ABHD12: variants seen among roughly 807,000 people sequenced by gnomAD.
ABHD12 encodes abhydrolase domain containing 12, lysophospholipase, also known as lysophosphatidylserine lipase ABHD12.
Under a neutral mutation model 58.3 loss-of-function variants are expected in ABHD12, and 43 were observed. The observed-to-expected ratio is 0.74, with a 90% CI of 0.58 to 0.95. The LOEUF is 0.95. ABHD12 is among the 40% of genes least tolerant of loss of function. The pLI is 0.00. For synonymous variants in ABHD12, 219 were observed against 211.2 expected, an observed-to-expected ratio of 1.04 and a Z score of -0.32; for missense variants, 539 against 537.2, an observed-to-expected ratio of 1.00 and a Z score of -0.03.
intron 1 of ABHD12, among the ~76,000 whole-genome samples, chr20:25,384,232 C>T (rs922772986): frequency 2.0e-5 from 3 of 151,428 alleles, no homozygotes; most frequent in Non-Finnish European, 4.4e-5. Context: ...TCTAGTTCCT[C>T]GTCTCAAGGA....
downstream of ABHD12, among the ~76,000 whole-genome samples, chr20:25,298,199 G>T (rs147164813): frequency 1.2e-4 from 18 of 152,324 alleles, no homozygotes; most frequent in East Asian, 1.5e-3. Context: ...TTCTGGGATT[G>T]AGGGCAGAAA....
chr20:25,361,329 A>G lies in ABHD12; in HGVS notation c.192-21978T>C, dbSNP rs118077221. ...ATGTTCTCATCTAAAAACAAACTGTATCTTTCCACTTAAATATTATGTCTC... is the reference window on the plus strand; with the variant it reads ...ATGTTCTCATCTAAAAACAAACTGTGTCTTTCCACTTAAATATTATGTCTC... On this transcript the variant is annotated intron_variant, in intron 1 of 12. Transcript: ENST00000339157. 2.6e-5 allele frequency among the ~76,000 whole-genome samples: 4 copies of G among 152,322 alleles called. No homozygotes were observed. In the East Asian group the frequency reaches 7.7e-4, roughly 29 times the overall value.
chr20:25,386,370 T>C (rs1468849993), intron 1 of ABHD12, among the ~76,000 whole-genome samples: 1 of 150,226 alleles, frequency 6.7e-6, no homozygotes, highest in South Asian at 2.1e-4. Context: ...GCCATTCTCC[T>C]ACCTCAGCCT....
At chr20:25,319,355 A>G (rs1169529966) in intron 4 of ABHD12, among the ~76,000 whole-genome samples, 1 of 152,202 alleles carries the variant, frequency 6.6e-6, no homozygotes, top group East Asian at 1.9e-4. Context: ...CTGAGATAAA[A>G]CTGGGCAGGG....
At chr20:25,359,638 C>T (rs1282253903) in intron 1 of ABHD12, among the ~76,000 whole-genome samples, 2 of 151,822 alleles carry the variant, frequency 1.3e-5, no homozygotes, top group African/African-American at 2.4e-5. Context: ...GGTGCGATCT[C>T]GGCTCACTGC....
chr20:25,306,868 A>G lies in ABHD12; in HGVS notation c.915T>C (p.Ile305=). 1 of 1,612,884 alleles carries G rather than the reference A, an allele frequency of 6.2e-7. No individual in the cohort carries two copies. Among genetic ancestry groups the G allele is most frequent in the East Asian group, 2.2e-5 (1 of 44,888 alleles). ...TTGCAAATTTAATTCCACTACTTGT[A>G]ATAGGATCAAGGAAGAACCAGTCAA... ...PGFDWFFLDP[I]TSSGIKFAND... is the part of the protein sequence containing the mutation. The change falls in exon 10 of 13, where the codon ATT becomes ATC. Residue 305 remains isoleucine (I), a synonymous_variant. Coordinates refer to ENST00000339157, the MANE Select transcript of ABHD12 (RefSeq NM_001042472.3).
intron 1 of ABHD12, among the ~76,000 whole-genome samples, chr20:25,363,434 G>A (rs879647022): frequency 6.6e-6 from 1 of 151,410 alleles, no homozygotes; most frequent in African/African-American, 2.4e-5. Context: ...GGCCAGGATG[G>A]TGTGCATCTC....
chr20:25,300,330 G>C lies in ABHD12; in HGVS notation c.*515C>G. On this transcript the variant is annotated 3_prime_UTR_variant, in exon 13 of 13. Coordinates refer to ENST00000339157, the MANE Select transcript of ABHD12 (RefSeq NM_001042472.3). The stretch of plus-strand genomic sequence containing the variant: ...GGGCACTTCCACTGTGGGTGAGTGG[G>C]CCAGCCCAGGGGAGGTGGGGCAGCT... 1 of 1,038,772 alleles carries C rather than the reference G, an allele frequency of 9.6e-7. No individual in the cohort carries two copies. The highest frequency in any genetic ancestry group is 1.7e-5 in the African/African-American group (1 of 59,608). 64.3% of individuals were successfully genotyped at this position (1,038,772 alleles called of 1,614,324 possible). A position where few individuals can be genotyped will look rare whatever the true frequency, so the allele number is the denominator to read the frequency against.
intron 4 of ABHD12, 115 bp downstream of exon 4, chr20:25,320,084 A>G: frequency 6.7e-7 from 1 of 1,491,570 alleles, no homozygotes; most frequent in Non-Finnish European, 9.1e-7. Flanking sequence ...CAGTACACCC[A>G]ATTTTGTGGG....
intron 10 of ABHD12, among the ~76,000 whole-genome samples, chr20:25,306,455 G>A (rs925235498): frequency 1.3e-5 from 2 of 152,148 alleles, no homozygotes; most frequent in African/African-American, 4.8e-5. Flanking sequence ...ACGGTTCACT[G>A]CAGTCTTGAC....
intron 1 of ABHD12, among the ~76,000 whole-genome samples, chr20:25,369,182 T>C: frequency 6.6e-6 from 1 of 152,178 alleles, no homozygotes; most frequent in East Asian, 1.9e-4. Flanking sequence ...GTGGTTTTGA[T>C]TTCCATTTCC....
rs1017185136 is a variant in ABHD12 at position 25,300,421 on chromosome 20, G to T, written c.*424C>A. The stretch of plus-strand genomic sequence containing the variant: ...GAACCACTGGAGTCATTCTGCATGT[G>T]CTGGGAAGGTGCAGAAAGAACCTGG... On this transcript the variant is annotated 3_prime_UTR_variant, in exon 13 of 13. Transcript: ENST00000339157. The T allele has an allele frequency of 6.0e-6, 7 of 1,157,104 alleles. No homozygotes were observed. Among genetic ancestry groups the T allele is most frequent in the Non-Finnish European group, 7.6e-6 (7 of 927,074 alleles). The allele number at this position is 1,157,104 out of a possible 1,614,324, so 71.7% of individuals were successfully genotyped here.
intron 6 of ABHD12, among the ~76,000 whole-genome samples, chr20:25,313,891 T>C (rs1030994626): frequency 3.3e-5 from 5 of 152,222 alleles, no homozygotes; most frequent in African/African-American, 7.2e-5. Flanking sequence ...AACTATGGAT[T>C]CTTGATTTGT....
chr20:25,376,937 A>G (rs925805778), intron 1 of ABHD12, among the ~76,000 whole-genome samples: 1 of 152,200 alleles, frequency 6.6e-6, no homozygotes, highest in Non-Finnish European at 1.5e-5. Context: ...GAATCAGAAA[A>G]AAAAATCAAA....
chr20:25,350,601 T>C (rs2097634785), intron 1 of ABHD12, among the ~76,000 whole-genome samples: 1 of 152,210 alleles, frequency 6.6e-6, no homozygotes, highest in Non-Finnish European at 1.5e-5. Context: ...TTAAATCTTT[T>C]TCCTTTATAA....
At chr20:25,368,481 T>C (rs565316502) in intron 1 of ABHD12, 6 of 1,567,486 alleles carry the variant, frequency 3.8e-6, no homozygotes, top group African/African-American at 2.7e-5. Context: ...ATGGACAAGA[T>C]GCTAGGACCT....
At chr20:25,389,648 G>A (rs996999425) in intron 1 of ABHD12, among the ~76,000 whole-genome samples, 5 of 152,158 alleles carry the variant, frequency 3.3e-5, no homozygotes, top group Non-Finnish European at 1.5e-5. Flanking sequence ...TTTTGAAAGT[G>A]GCTTTATATA....
At position 25,302,246 on chromosome 20, in the gene ABHD12, T is replaced by A; in HGVS notation, c.1130A>T (p.Lys377Met). Residue 377 changes from lysine to methionine, a missense_variant, in exon 12 of 13, where the codon AAG (lysine) becomes ATG (methionine). Lys to Met is a moderately conservative substitution (Grantham distance 95). Coordinates refer to ENST00000339157, the MANE Select transcript of ABHD12 (RefSeq NM_001042472.3). ...CAGTATCCGTGGCAGCTCAGGGCTCTTGTAAATGTATTTGTGCCTGTAGCC... is the reference window on the plus strand; with the variant it reads ...CAGTATCCGTGGCAGCTCAGGGCTCATGTAAATGTATTTGTGCCTGTAGCC... ...DLGYRHKYIY[K>M]SPELPRILRE... 1 of 1,613,676 alleles carries A rather than the reference T, an allele frequency of 6.2e-7. No homozygotes were observed.
intron 1 of ABHD12, among the ~76,000 whole-genome samples, chr20:25,389,357 A>AT (rs1162295433): frequency 2.0e-5 from 3 of 152,154 alleles, no homozygotes; most frequent in Non-Finnish European, 2.9e-5. Flanking sequence ...TAATTTCATG[A>AT]TTTTTTTAAG....
Sources: gnomAD v4.1 joint callset for allele counts (sites outside exome capture counted in the v4.1 genomes callset) on GRCh38, gnomAD v4.1.1 for gene constraint, MANE v1.5 for transcripts, NCBI Gene and HGNC (gene_info 2026-07-23, HGNC 2026-07-21) for gene names.